NUBPL: variants seen among roughly 807,000 people sequenced by gnomAD.
The protein encoded by NUBPL is iron-sulfur cluster transfer protein NUBPL.
Under a neutral mutation model 45.7 loss-of-function variants are expected in NUBPL, and 31 were observed. The ratio of observed to expected loss-of-function variants is 0.68; its 90% CI spans 0.51 to 0.92. The LOEUF (loss-of-function observed/expected upper bound fraction) is 0.92, where lower values mean the gene tolerates loss of function less well. Among genes scored for constraint, NUBPL ranks in the 40% least tolerant of loss-of-function variants. The probability of loss-of-function intolerance (pLI) is 0.00; values close to 1 mark genes in which losing one functional copy is unlikely to be tolerated. For missense variants in NUBPL, 401 were observed against 398.7 expected, an observed-to-expected ratio of 1.01 and a Z score of -0.05; for synonymous variants, 144 against 140.9, an observed-to-expected ratio of 1.02 and a Z score of -0.15.
At chr14:31,673,264 A>C (rs748809430) in intron 4 of NUBPL, 91 bp from the exon 5 acceptor site, 101 of 1,138,140 alleles carry the variant, frequency 8.9e-5, no homozygotes, top group Non-Finnish European at 1.2e-4. Flanking sequence ...TAATTAAAAA[A>C]ATTTTTAAAA....
intron 6 of NUBPL, among the ~76,000 whole-genome samples, chr14:31,678,077 C>G (rs1364729904): frequency 1.3e-5 from 2 of 152,196 alleles, no homozygotes; most frequent in Non-Finnish European, 2.9e-5. Flanking sequence ...CACTCTGTGG[C>G]CACCAGCACT....
chr14:31,633,745 C>G (rs561328094), intron 4 of NUBPL, among the ~76,000 whole-genome samples: 1 of 152,174 alleles, frequency 6.6e-6, no homozygotes, highest in Non-Finnish European at 1.5e-5. Context: ...TAATAACTTT[C>G]ACATATTATT....
rs369809802 is a variant in NUBPL, at chr14:31,667,071, A to G, written c.383-6284A>G. On this transcript the variant is annotated intron_variant, in intron 4 of 10. Coordinates refer to ENST00000281081, the MANE Select transcript of NUBPL (RefSeq NM_025152.3). Reference sequence around the variant, plus strand: ...CGAGGATTATCTTAGTAGTGTTTGTATTTCCTGAATTTGAATGTTGGCCTG... The same window carrying G: ...CGAGGATTATCTTAGTAGTGTTTGTGTTTCCTGAATTTGAATGTTGGCCTG... Among the ~76,000 whole-genome samples the G allele has an allele frequency of 9.9e-5, 15 of 151,924 alleles. No individual in the cohort carries two copies. In the East Asian group the frequency reaches 2.7e-3, roughly 28 times the overall value.
At chr14:31,800,212 A>C (rs955709312) in intron 7 of NUBPL, among the ~76,000 whole-genome samples, 1 of 152,174 alleles carries the variant, frequency 6.6e-6, no homozygotes, top group Non-Finnish European at 1.5e-5. Context: ...CCTCCACTGA[A>C]ATCTTGAACC....
chr14:31,742,168 C>A (rs554858362), intron 6 of NUBPL, among the ~76,000 whole-genome samples: 25 of 151,594 alleles, frequency 1.6e-4, no homozygotes, highest in Non-Finnish European at 3.5e-4. Flanking sequence ...GAGATCATGG[C>A]AGACAGAGAT....
intron 3 of NUBPL, among the ~76,000 whole-genome samples, chr14:31,578,559 T>A (rs972088305): frequency 2.0e-5 from 3 of 152,172 alleles, no homozygotes; most frequent in Non-Finnish European, 4.4e-5. Flanking sequence ...TAAAGAACCT[T>A]TATATATTGC....
At chr14:31,675,504 A>G (rs2036673125) in intron 6 of NUBPL, among the ~76,000 whole-genome samples, 1 of 152,232 alleles carries the variant, frequency 6.6e-6, no homozygotes, top group Non-Finnish European at 1.5e-5. Flanking sequence ...TCATTGGCTC[A>G]TTTTAAACAA....
chr14:31,735,723 A>G (rs1336330716), intron 6 of NUBPL, among the ~76,000 whole-genome samples: 4 of 152,116 alleles, frequency 2.6e-5, no homozygotes, highest in Non-Finnish European at 5.9e-5. Flanking sequence ...GTCGTCGCGC[A>G]TGCCTGTAAT....
At chr14:31,597,358 C>G (rs1191921072) in intron 3 of NUBPL, among the ~76,000 whole-genome samples, 1 of 152,110 alleles carries the variant, frequency 6.6e-6, no homozygotes, top group African/African-American at 2.4e-5. Flanking sequence ...TCTACTCTTA[C>G]CGTAGCAAAT....
intron 3 of NUBPL, among the ~76,000 whole-genome samples, chr14:31,598,516 GA>G (rs895564103): frequency 1.3e-5 from 2 of 151,690 alleles, no homozygotes; most frequent in Admixed American, 1.3e-4. Flanking sequence ...GAAGAGAGGG[GA>G]AGAAGAAAAA....
At chr14:31,567,095 A>G (rs1481185688) in intron 3 of NUBPL, among the ~76,000 whole-genome samples, 4 of 152,192 alleles carry the variant, frequency 2.6e-5, no homozygotes. Flanking sequence ...TAGCTTAACT[A>G]GATTCTAGTT....
intron 4 of NUBPL, among the ~76,000 whole-genome samples, chr14:31,655,146 A>G (rs1024723756): frequency 6.6e-6 from 1 of 152,202 alleles, no homozygotes; most frequent in African/African-American, 2.4e-5. Context: ...CCTCCAATGA[A>G]TCATGAATGT....
chr14:31,785,740 C>G (rs184380913), intron 6 of NUBPL, among the ~76,000 whole-genome samples: 42 of 152,292 alleles, frequency 2.8e-4, no homozygotes, highest in African/African-American at 9.6e-4. Flanking sequence ...GTTTATTGCT[C>G]TATTACCATC....
chr14:31,760,505 C>T (rs2038783711), intron 6 of NUBPL, among the ~76,000 whole-genome samples: 1 of 152,080 alleles, frequency 6.6e-6, no homozygotes, highest in Admixed American at 6.6e-5. Flanking sequence ...TCCACTATAA[C>T]TGCCATTCTA....
intron 3 of NUBPL, among the ~76,000 whole-genome samples, chr14:31,579,155 A>G (rs753318433): frequency 2.1e-4 from 32 of 152,182 alleles, no homozygotes; most frequent in Non-Finnish European, 3.8e-4. Context: ...CTGGAATGTT[A>G]TCTGGAGTGT....
chr14:31,571,142 G>A (rs2033570414), intron 3 of NUBPL, among the ~76,000 whole-genome samples: 1 of 152,104 alleles, frequency 6.6e-6, no homozygotes, highest in Non-Finnish European at 1.5e-5. Context: ...TCTTCTACTT[G>A]TCTACTGGAA....
At chr14:31,636,379 A>C (rs1482502674) in intron 4 of NUBPL, among the ~76,000 whole-genome samples, 1 of 152,112 alleles carries the variant, frequency 6.6e-6, no homozygotes, top group Non-Finnish European at 1.5e-5. Context: ...TTCTGTTTAT[A>C]TGCTGGATTA....
At chr14:31,704,701 C>T (rs1166199624) in intron 6 of NUBPL, among the ~76,000 whole-genome samples, 1 of 152,002 alleles carries the variant, frequency 6.6e-6, no homozygotes, top group Non-Finnish European at 1.5e-5. Context: ...TCATTCTCTT[C>T]TTTGTTCACT....
chr14:31,667,442 C>T (rs1054886677), intron 4 of NUBPL, among the ~76,000 whole-genome samples: 8 of 151,992 alleles, frequency 5.3e-5, no homozygotes, highest in Non-Finnish European at 1.0e-4. Context: ...TTCTAGTTAG[C>T]CCTTCCTGTA....
Sources: gnomAD v4.1 joint callset for allele counts (sites outside exome capture counted in the v4.1 genomes callset) on GRCh38, gnomAD v4.1.1 for gene constraint, MANE v1.5 for transcripts, NCBI Gene and HGNC (gene_info 2026-07-23, HGNC 2026-07-21) for gene names.